SLC2A14: variants seen among roughly 807,000 people sequenced by gnomAD.
The protein encoded by SLC2A14 is solute carrier family 2, facilitated glucose transporter member 14.
A neutral mutation model predicts 43.0 loss-of-function variants in SLC2A14; 13 were observed. The observed-to-expected ratio is 0.30, with a 90% confidence interval of 0.20 to 0.48. SLC2A14 has a LOEUF of 0.48. Among genes scored for constraint, SLC2A14 ranks in the 20% least tolerant of loss-of-function variants. The pLI, the probability that SLC2A14 is intolerant of heterozygous loss-of-function variation, is 0.99. For missense variants in SLC2A14, 428 were observed against 620.4 expected (o/e 0.69, Z 3.29); for synonymous variants, 190 against 233.8 (o/e 0.81, Z 1.71).
chr12:7,844,799 G>C (rs1866322823), intron 2 of SLC2A14, among the ~76,000 whole-genome samples: 1 of 152,084 alleles, frequency 6.6e-6, no homozygotes, highest in East Asian at 1.9e-4. Flanking sequence ...GCCTCCCAAA[G>C]TGCTGGGATT....
intron 6 of SLC2A14, among the ~76,000 whole-genome samples, chr12:7,828,498 G>A (rs752374896): frequency 5.3e-5 from 8 of 152,038 alleles, no homozygotes; most frequent in Non-Finnish European, 5.9e-5. Context: ...GCAGTGAACC[G>A]AGATCGCACC....
chr12:7,818,002 A>C lies in SLC2A14; in HGVS notation c.1104T>G (p.Ile368Met). The change falls in exon 10 of 11, where the codon ATT (isoleucine) becomes ATG (methionine). Residue 368 changes from isoleucine to methionine, a missense_variant. Ile to Met is a conservative substitution (Grantham distance 10). Around this residue, in one of 4 missense-constraint regions of SLC2A14, gnomAD observed 119 missense variants for 188.7 expected, o/e 0.63. Coordinates refer to ENST00000431042, the MANE Select transcript of SLC2A14 (RefSeq NM_001286234.2). ...AGGCCACAAAGACCAAGATAGCCCC[A>C]ATACAGACAAAGCTCATCCCATTAT... is the stretch of plus-strand genomic sequence containing the variant. ...NHYNGMSFVCIGAILVFVACF... is the reference protein window; with the variant it reads ...NHYNGMSFVCMGAILVFVACF... The C allele has an allele frequency of 6.2e-7, 1 of 1,614,108 alleles. No individual in the cohort carries two copies. Among genetic ancestry groups the C allele is most frequent in the Non-Finnish European group, 8.5e-7 (1 of 1,180,028 alleles).
At position 7,821,304 on chromosome 12, in the gene SLC2A14, T is replaced by G; in HGVS notation, c.886A>C (p.Ile296Leu). The change falls in exon 8 of 11, where the codon ATC becomes CTC. Residue 296 changes from isoleucine to leucine, a missense_variant. Around this residue, in one of 4 missense-constraint regions of SLC2A14, gnomAD observed 185 missense variants for 275.4 expected, o/e 0.67. Transcript: ENST00000431042. ...TGTTGAACACCTGCATCCTTGAAGA[T>G]TCCTGTTGAGTAATAGAACACCTAG... The part of the protein sequence containing the change: ...INAVFYYSTG[I>L]FKDAGVQQPI... 1 of 1,613,764 alleles carries G rather than the reference T, an allele frequency of 6.2e-7. No homozygotes were observed.
intron 2 of SLC2A14, among the ~76,000 whole-genome samples, chr12:7,846,983 G>T (rs1315026936): frequency 6.6e-6 from 1 of 151,586 alleles, no homozygotes; most frequent in Non-Finnish European, 1.5e-5. Flanking sequence ...GCCGGGCGCA[G>T]TGGCCACACC....
At chr12:7,875,833 G>A (rs759598184), upstream of SLC2A14, among the ~76,000 whole-genome samples, 77 of 152,138 alleles carry the variant, frequency 5.1e-4, no homozygotes, top group African/African-American at 1.7e-3. Flanking sequence ...AAAATTAGCC[G>A]GGTGCAGTGG....
At position 7,827,093 on chromosome 12, in the gene SLC2A14, T is replaced by C. The variant is rs141172877; in HGVS notation, c.864+402A>G. ...TCTCTCTCTTTCTTTCTTTCTTTCT[T>C]TCTCTTTCTTTCTTTCTTTCTTTTT... On this transcript the variant is annotated intron_variant, in intron 7 of 10. Transcript: ENST00000431042. Among the ~76,000 whole-genome samples the C allele has an allele frequency of 2.0e-3, 200 of 100,438 alleles. 1 individual carries two copies. Among genetic ancestry groups the C allele is most frequent in the African/African-American group, 6.3e-3 (148 of 23,674 alleles). The allele number at this position is 100,438 out of a possible 152,430, so 65.9% of individuals were successfully genotyped here. A position where few individuals can be genotyped will look rare whatever the true frequency, so the allele number is the denominator to read the frequency against.
At chr12:7,881,821 A>C (rs1323029522) in intron 1 of SLC2A14, among the ~76,000 whole-genome samples, 3 of 152,184 alleles carry the variant, frequency 2.0e-5, no homozygotes, top group Non-Finnish European at 2.9e-5. Context: ...ATCTAGCTCA[A>C]GGTTTGTAAA....
At chr12:7,837,206 A>G (rs958551284) in intron 2 of SLC2A14, among the ~76,000 whole-genome samples, 8 of 152,182 alleles carry the variant, frequency 5.3e-5, no homozygotes, top group Non-Finnish European at 7.3e-5. Flanking sequence ...AACTTGTGGT[A>G]ATAATTTCAC....
intron 8 of SLC2A14, 65 bp downstream of exon 8, chr12:7,821,156 C>T: frequency 8.4e-7 from 1 of 1,197,294 alleles, no homozygotes; most frequent in Middle Eastern, 2.0e-4. Flanking sequence ...CCATGCAATC[C>T]ATCTTTGAAC....
chr12:7,825,773 A>AAAAG (rs1864307819), intron 7 of SLC2A14, among the ~76,000 whole-genome samples: 1 of 136,564 alleles, frequency 7.3e-6, no homozygotes, highest in East Asian at 2.1e-4. Context: ...TCACAAAAAA[A>AAAAG]AAAAAAAAGA....
chr12:7,882,529 A>G (rs530091120), intron 1 of SLC2A14, among the ~76,000 whole-genome samples: 344 of 152,016 alleles, frequency 2.3e-3, no homozygotes, highest in Non-Finnish European at 3.9e-3. Context: ...TCAAAGAAAA[A>G]TAAAAGATAT....
intron 2 of SLC2A14, 42 bp downstream of exon 2, chr12:7,869,821 T>G: frequency 7.7e-7 from 1 of 1,302,612 alleles, no homozygotes; most frequent in Middle Eastern, 1.9e-4. Context: ...AACATAACTC[T>G]GACAAACCAA....
intron 1 of SLC2A14, among the ~76,000 whole-genome samples, chr12:7,881,846 C>T (rs1196352555): frequency 1.3e-5 from 2 of 152,170 alleles, no homozygotes; most frequent in Admixed American, 6.5e-5. Flanking sequence ...CCAATCAGCA[C>T]CCTGTGTCTA....
chr12:7,867,717 C>T (rs926926593), intron 2 of SLC2A14, among the ~76,000 whole-genome samples: 5 of 151,500 alleles, frequency 3.3e-5, no homozygotes, highest in South Asian at 2.1e-4. Flanking sequence ...TGGTGGCGTG[C>T]GCCTGTAGTC....
intron 1 of SLC2A14, chr12:7,871,392 C>T (rs754604075): frequency 3.1e-5 from 10 of 327,008 alleles, no homozygotes; most frequent in African/African-American, 1.3e-4. Context: ...CCAGCCCTCG[C>T]GACACCCTGG....
At chr12:7,879,880 C>T (rs1945535517) in intron 1 of SLC2A14, among the ~76,000 whole-genome samples, 1 of 151,538 alleles carries the variant, frequency 6.6e-6, no homozygotes, top group Admixed American at 6.6e-5. Flanking sequence ...GTGGTTCCTG[C>T]CTGTAATCCC....
chr12:7,874,038 C>T (rs7303617), upstream of SLC2A14, among the ~76,000 whole-genome samples: 129,672 of 152,076 alleles, frequency 0.85, 55,593 homozygotes, highest in South Asian at 0.96. Flanking sequence ...TGTCAAAAGG[C>T]ATGCAACTGA....
chr12:7,845,187 A>G (rs1866359637), intron 2 of SLC2A14, among the ~76,000 whole-genome samples: 1 of 152,122 alleles, frequency 6.6e-6, no homozygotes, highest in South Asian at 2.1e-4. Flanking sequence ...CAGTTTTAGC[A>G]CTGAAAGTAC....
In SLC2A14 at chr12:7,863,372, G is replaced by C. The variant is rs1338810592; in HGVS notation, c.18+6491C>G. ...CTTTAAGGGCTGTAACACTCACTGC[G>C]AGGGTGTGCGGCTTCATTCTTGAAG... On this transcript the variant is annotated intron_variant, in intron 2 of 10. Transcript: ENST00000431042. 1.8e-5 allele frequency: 8 copies of C among 453,556 alleles called. No individual in the cohort carries two copies. The East Asian group carries it at 5.6e-4, about 32-fold the overall frequency. The allele number at this position is 453,556 out of a possible 1,614,324, so 28.1% of individuals were successfully genotyped here.
Sources: allele counts gnomAD v4.1 joint callset (sites outside exome capture counted in the v4.1 genomes callset), GRCh38; gene constraint gnomAD v4.1.1; regional missense constraint gnomAD v4.1.1; transcripts MANE v1.5; gene names NCBI Gene and HGNC (gene_info 2026-07-23, HGNC 2026-07-21).